The following WWC2 variants were observed in gnomAD, a reference collection of about 807,000 sequenced individuals.
The protein encoded by WWC2 is WW and C2 domain containing 2.
Under a neutral mutation model 138.5 loss-of-function variants are expected in WWC2, and 101 were observed. That is an observed-to-expected ratio of 0.73 (90% CI 0.62 to 0.86). The LOEUF is 0.86. WWC2 is among the 40% of genes least tolerant of loss of function. WWC2 has a pLI of 0.00. For missense variants in WWC2, 1,420 were observed against 1,419.4 expected, an observed-to-expected ratio of 1.00 and a Z score of -0.01; for synonymous variants, 558 against 538.4, an observed-to-expected ratio of 1.04 and a Z score of -0.50.
chr4:183,168,434 A>T (rs1734183519), intron 1 of WWC2, among the ~76,000 whole-genome samples: 1 of 152,236 alleles, frequency 6.6e-6, no homozygotes. Context: ...GTCAAACATT[A>T]TCATTTTATA....
chr4:183,131,030 T>C (rs1008601750), intron 1 of WWC2, among the ~76,000 whole-genome samples: 4 of 152,180 alleles, frequency 2.6e-5, no homozygotes, highest in African/African-American at 9.7e-5. Flanking sequence ...AAGTTAGATA[T>C]AGATCAGTGA....
intron 1 of WWC2, among the ~76,000 whole-genome samples, chr4:183,153,937 C>T (rs962463331): frequency 7.0e-6 from 1 of 143,114 alleles, no homozygotes; most frequent in African/African-American, 2.6e-5. Flanking sequence ...AACCACTGTG[C>T]CTGGCCCAAA....
chr4:183,276,915 T>C lies in WWC2; in HGVS notation c.2563-3861T>C, dbSNP rs572588958. ...TTTATTGTCATCTAGCTTCCATTGA[T>C]TCTGTTGAGCTTTTGGAGGACAACT... On this transcript the variant is annotated intron_variant, in intron 16 of 22. Coordinates refer to ENST00000403733, the MANE Select transcript of WWC2 (RefSeq NM_024949.6). Among the ~76,000 whole-genome samples, 8 of 152,158 alleles carry C rather than the reference T, an allele frequency of 5.3e-5. No individual in the cohort carries two copies. The East Asian group carries it at 1.2e-3, about 22-fold the overall frequency.
chr4:183,244,580 T>TAGAG (rs1465331865), intron 5 of WWC2, among the ~76,000 whole-genome samples: 1 of 150,500 alleles, frequency 6.6e-6, no homozygotes, highest in Admixed American at 6.6e-5. Flanking sequence ...TATATATATA[T>TAGAG]ATATAGAGAG....
intron 1 of WWC2, among the ~76,000 whole-genome samples, chr4:183,151,012 T>C (rs2111116386): frequency 6.6e-6 from 1 of 152,280 alleles, no homozygotes; most frequent in East Asian, 1.9e-4. Context: ...TGTGCATGTG[T>C]CTTTATATTA....
At chr4:183,206,325 A>G (rs1735446246) in intron 2 of WWC2, among the ~76,000 whole-genome samples, 1 of 151,820 alleles carries the variant, frequency 6.6e-6, no homozygotes, top group South Asian at 2.1e-4. Context: ...ATCAAGCTTC[A>G]TGTGTTTTCT....
intron 20 of WWC2, 103 bp from the exon 21 acceptor site, chr4:183,289,290 G>A: frequency 6.8e-7 from 1 of 1,476,780 alleles, no homozygotes; most frequent in Non-Finnish European, 9.0e-7. Context: ...TGGCTTCTAG[G>A]GTGCAAGGAA....
chr4:183,263,163 G>A (rs938956603), intron 11 of WWC2, among the ~76,000 whole-genome samples: 10 of 152,180 alleles, frequency 6.6e-5, no homozygotes, highest in African/African-American at 2.4e-4. Flanking sequence ...GTTCCTTCCT[G>A]TGCTTTGAAC....
chr4:183,117,282 G>A (rs1412457677), intron 1 of WWC2, among the ~76,000 whole-genome samples: 1 of 143,138 alleles, frequency 7.0e-6, no homozygotes, highest in African/African-American at 2.6e-5. Context: ...GTGCAATGGC[G>A]TGATCTTGGC....
chr4:183,271,207 A>G lies in WWC2; in HGVS notation c.2528A>G (p.Gln843Arg). ...GAAGAAAATGAGGACTCTGTATTTC[A>G]ACCAAACCAGCCGTTAGTAGATTCT... is the stretch of plus-strand genomic sequence containing the variant. ...KNEENEDSVF[Q>R]PNQPLVDSID... The change falls in exon 16 of 23, where the codon CAA (glutamine) becomes CGA (arginine). Residue 843 changes from glutamine to arginine, a missense_variant. Coordinates refer to ENST00000403733, the MANE Select transcript of WWC2 (RefSeq NM_024949.6). 2 of 1,612,844 alleles carry G rather than the reference A, an allele frequency of 1.2e-6. No individual in the cohort carries two copies. The highest frequency in any genetic ancestry group is 8.5e-7 in the Non-Finnish European group (1 of 1,179,458).
chr4:183,266,472 T>G (rs1580127266), intron 14 of WWC2, among the ~76,000 whole-genome samples: 2 of 152,290 alleles, frequency 1.3e-5, no homozygotes, highest in Middle Eastern at 3.4e-3. Flanking sequence ...CCCAACAAAG[T>G]GATGACATAA....
At chr4:183,103,701 C>T (rs975275642) in intron 1 of WWC2, among the ~76,000 whole-genome samples, 1 of 148,982 alleles carries the variant, frequency 6.7e-6, no homozygotes, top group African/African-American at 2.5e-5. Flanking sequence ...GCAGTGGTGC[C>T]ATCTCGCCTC....
At position 183,155,024 on chromosome 4, in the gene WWC2, C is replaced by G. The variant is rs556482022; in HGVS notation, c.132-38575C>G. On this transcript the variant is annotated intron_variant, in intron 1 of 22. Transcript: ENST00000403733. Reference sequence around the variant, plus strand: ...GAATAAGCACATGCTAGCGTACCTGCAAAGCAGGAGCAATAAAAACAATGA... The same window carrying G: ...GAATAAGCACATGCTAGCGTACCTGGAAAGCAGGAGCAATAAAAACAATGA... Among the ~76,000 whole-genome samples the G allele has an allele frequency of 7.2e-5, 11 of 152,236 alleles. No individual in the cohort carries two copies. In the South Asian group the frequency reaches 2.3e-3, roughly 32 times the overall value.
chr4:183,235,167 A>G (rs1365004984), intron 4 of WWC2, among the ~76,000 whole-genome samples: 5 of 152,366 alleles, frequency 3.3e-5, no homozygotes, highest in Admixed American at 2.0e-4. Context: ...ACTCCCCAGT[A>G]TAAAACCAGT....
At chr4:183,171,987 A>G (rs942301645) in intron 1 of WWC2, among the ~76,000 whole-genome samples, 2 of 152,140 alleles carry the variant, frequency 1.3e-5, no homozygotes, top group African/African-American at 4.8e-5. Context: ...AATATTATTC[A>G]TGGATGACCT....
intron 4 of WWC2, among the ~76,000 whole-genome samples, chr4:183,220,229 A>T (rs1735882571): frequency 6.6e-6 from 1 of 152,170 alleles, no homozygotes; most frequent in Non-Finnish European, 1.5e-5. Flanking sequence ...CAGCCTGGCT[A>T]ACACCCTGAT....
At chr4:183,117,754 G>C (rs933085888) in intron 1 of WWC2, among the ~76,000 whole-genome samples, 1 of 151,098 alleles carries the variant, frequency 6.6e-6, no homozygotes, top group African/African-American at 2.4e-5. Flanking sequence ...ACAGGCGTGA[G>C]CCACCATGCC....
intron 1 of WWC2, among the ~76,000 whole-genome samples, chr4:183,109,760 C>T (rs1197377667): frequency 6.6e-6 from 1 of 152,140 alleles, no homozygotes; most frequent in East Asian, 1.9e-4. Flanking sequence ...TGATTTATTC[C>T]ACAAGGGATT....
rs1011812541 is a variant in WWC2, at chr4:183,193,562, A to G, written c.132-37A>G. 21 of 1,591,572 alleles carry G rather than the reference A, an allele frequency of 1.3e-5. No individual in the cohort carries two copies. The African/African-American group carries it at 1.3e-4, about 10-fold the overall frequency. ...AATTTTGACATATGCGGTTTGACGG[A>G]AAGAATCACTGGTGTGTCAATTCTG... On this transcript the variant is annotated intron_variant, in intron 1 of 22. Coordinates refer to ENST00000403733, the MANE Select transcript of WWC2 (RefSeq NM_024949.6).
Sources: gnomAD v4.1 joint callset for allele counts (sites outside exome capture counted in the v4.1 genomes callset) on GRCh38, gnomAD v4.1.1 for gene constraint, MANE v1.5 for transcripts, NCBI Gene and HGNC (gene_info 2026-07-23, HGNC 2026-07-21) for gene names.